The following CRLF2 variants were observed in gnomAD, a reference collection of about 807,000 sequenced individuals.
CRLF2 encodes the protein cytokine receptor-like factor 2.
CRLF2 carries 41 observed loss-of-function variants against 38.7 expected under a neutral mutation model. That is an observed-to-expected ratio of 1.06 (90% CI 0.83 to 1.37). The LOEUF is 1.37. Ranked by LOEUF, CRLF2 falls within the 40% of genes most tolerant of loss-of-function variation. CRLF2 has a pLI of 0.00. For synonymous variants in CRLF2, 140 were observed against 128.8 expected (o/e 1.09, Z -0.59); for missense variants, 377 against 322.2 (o/e 1.17, Z -1.30).
intron 4 of CRLF2, among the ~76,000 whole-genome samples, chrX:1,201,876 C>T (rs1248204251): frequency 6.6e-6 from 1 of 151,446 alleles, no homozygotes; most frequent in Non-Finnish European, 1.5e-5. Context: ...ATTGACCATA[C>T]ATAGATAGAT....
At chrX:1,208,934 T>C in intron 1 of CRLF2, 26 bp from the exon 2 acceptor site, 1 of 1,241,142 alleles carries the variant, frequency 8.1e-7, no homozygotes, top group Non-Finnish European at 1.2e-6. Context: ...CGCATGAAGT[T>C]CACGGTGAGG....
chrX:1,211,403 A>ATGGATG (rs2086798496), intron 1 of CRLF2, among the ~76,000 whole-genome samples: 2 of 45,324 alleles, frequency 4.4e-5, no homozygotes, highest in Non-Finnish European at 4.7e-5. Flanking sequence ...ATGGATGGAT[A>ATGGATG]AGTGGATAAA....
At chrX:1,196,972 A>G in intron 5 of CRLF2, 72 bp from the exon 6 acceptor site, 1 of 1,403,224 alleles carries the variant, frequency 7.1e-7, no homozygotes. Flanking sequence ...ACGTGATGTT[A>G]CATCTCATCC....
At position 1,191,096 on chromosome X, in the gene CRLF2, C is replaced by G. The variant is rs1224655980; in HGVS notation, c.917G>C (p.Ser306Thr). The change falls in exon 8 of 8, where the codon AGT becomes ACT. Residue 306 changes from serine (S) to threonine (T), a missense_variant. Transcript: ENST00000400841. ...GACTACCAGGGGCTCCTCGGGGCCA[C>G]TTTCTTGCTCTGCACCTGCCATCTT... ...LHKMAGAEQE[S>T]GPEEPLVVQL... 2.5e-5 allele frequency: 10 copies of G among 398,598 alleles called. No individual in the cohort carries two copies. Among genetic ancestry groups the G allele is most frequent in the Middle Eastern group, 1.3e-3 (2 of 1,592 alleles). The allele number at this position is 398,598 out of a possible 1,614,324, so 24.7% of individuals were successfully genotyped here.
rs1285405744 is a variant in CRLF2 at position 1,191,010 on chromosome X, C to T, written c.1003G>A (p.Glu335Lys). 6 of 398,588 alleles carry T rather than the reference C, an allele frequency of 1.5e-5. No individual in the cohort carries two copies. Among genetic ancestry groups the T allele is most frequent in the African/African-American group, 1.2e-4 (6 of 48,640 alleles). The allele number at this position is 398,588 out of a possible 1,614,324, so 24.7% of individuals were successfully genotyped here. The change falls in exon 8 of 8, where the codon GAG becomes AAG. Residue 335 changes from glutamate (E) to lysine (K), a missense_variant. Glu to Lys is a moderately conservative substitution (Grantham distance 56, BLOSUM62 1). Coordinates refer to ENST00000400841, the MANE Select transcript of CRLF2 (RefSeq NM_022148.4). Reference protein sequence around the residue: ...RMLDPQTEEKEASGGSLQLPH... With the variant: ...RMLDPQTEEKKASGGSLQLPH... ...AGCTGGAGGGATCCCCCAGAGGCCT[C>T]TTTCTCCTCGGTCTGTGGGTCCAGC...
rs1569472853 is a variant in CRLF2, at chrX:1,208,832, G to A, written c.156C>T (p.Ser52=). ...TGTAGTGGAAAGTCAGGTTGGTCCT[G>A]GAGTATTTGCTGGCATTCCATGTCA... The part of the protein sequence containing the change: ...VQVTWNASKY[S]RTNLTFHYRF... Residue 52 remains serine (S), a synonymous_variant, in exon 2 of 8, where the codon TCC becomes TCT. Coordinates refer to ENST00000400841, the MANE Select transcript of CRLF2 (RefSeq NM_022148.4). 2 of 1,611,146 alleles carry A rather than the reference G, an allele frequency of 1.2e-6. No homozygotes were observed. Among genetic ancestry groups the A allele is most frequent in the African/African-American group, 2.7e-5 (2 of 74,876 alleles).
intron 1 of CRLF2, among the ~76,000 whole-genome samples, chrX:1,211,304 T>G (rs1180890519): frequency 1.0e-5 from 1 of 98,354 alleles, no homozygotes; most frequent in African/African-American, 3.8e-5. Flanking sequence ...TGGATAAAAG[T>G]GTGGGTGAAT....
At chrX:1,208,199 A>G (rs1162553598) in intron 2 of CRLF2, among the ~76,000 whole-genome samples, 4 of 152,108 alleles carry the variant, frequency 2.6e-5, no homozygotes, top group African/African-American at 9.7e-5. Context: ...CCTAGCAGAT[A>G]AGACTTAAAG....
intron 7 of CRLF2, among the ~76,000 whole-genome samples, chrX:1,192,967 G>C (rs1417736182): frequency 4.6e-5 from 7 of 151,218 alleles, no homozygotes; most frequent in Non-Finnish European, 7.4e-5. Context: ...GAGTGAGCCA[G>C]CACGCCCGGC....
intron 3 of CRLF2, among the ~76,000 whole-genome samples, chrX:1,205,558 G>C (rs2086676882): frequency 6.6e-6 from 1 of 152,032 alleles, no homozygotes; most frequent in Admixed American, 6.6e-5. Context: ...ATAAGCTGAA[G>C]GAAATACTGA....
At chrX:1,192,122 G>GTT (rs1736031496) in intron 7 of CRLF2, among the ~76,000 whole-genome samples, 1 of 138,782 alleles carries the variant, frequency 7.2e-6, no homozygotes, top group Non-Finnish European at 1.6e-5. Context: ...GGAGAATGGC[G>GTT]TGAACCCGGG....
intron 4 of CRLF2, among the ~76,000 whole-genome samples, chrX:1,199,774 G>T (rs9698042): frequency 4.0e-5 from 6 of 151,518 alleles, no homozygotes; most frequent in Non-Finnish European, 8.8e-5. Flanking sequence ...TATATATAAG[G>T]TGTGTATATA....
At chrX:1,193,102 T>C in intron 7 of CRLF2, 116 bp downstream of exon 7, 1 of 390,656 alleles carries the variant, frequency 2.6e-6, no homozygotes, top group Non-Finnish European at 4.5e-6. Context: ...CGTGAGCCAC[T>C]GCGCCCGGCT....
intron 1 of CRLF2, among the ~76,000 whole-genome samples, chrX:1,210,244 C>A (rs1474397186): frequency 6.6e-6 from 1 of 152,128 alleles, no homozygotes; most frequent in East Asian, 1.9e-4. Flanking sequence ...TTTGTAATTC[C>A]GAACAGGGAC....
rs751744628 is a variant in CRLF2 at position 1,198,602 on chromosome X, G to T, written c.606C>A (p.Asp202Glu). The T allele has an allele frequency of 9.3e-6, 15 of 1,613,724 alleles. No individual in the cohort carries two copies. In the Middle Eastern group the frequency reaches 5.0e-4, roughly 53 times the overall value. ...DVYGPDTYPS[D>E]WSEVTCWQRG... ...TCTGCCAGCATGTCACCTCTGACCA[G>T]TCGCTTGGGTATGTGTCTGGCCCAT... Residue 202 changes from aspartate (D) to glutamate (E), a missense_variant, in exon 5 of 8, where the codon GAC becomes GAA. Coordinates refer to ENST00000400841, the MANE Select transcript of CRLF2 (RefSeq NM_022148.4).
rs1301470265 is a variant in CRLF2, at chrX:1,200,870, TAC to T, written c.483+1530_483+1531del. Among the ~76,000 whole-genome samples, 10 of 51,974 alleles carry T rather than the reference TAC, an allele frequency of 1.9e-4. No individual in the cohort carries two copies. In the East Asian group the frequency reaches 8.6e-3, roughly 45 times the overall value. 34.1% of individuals were successfully genotyped at this position (51,974 alleles called of 152,430 possible). ...ATATGTGTGTGTATATGTGTGTGTG[TAC>T]ACACACATATAGGTAGATATACAGT... On this transcript the variant is annotated intron_variant, in intron 4 of 7. Transcript: ENST00000400841.
At chrX:1,203,996 A>C (rs1387988577) in intron 3 of CRLF2, among the ~76,000 whole-genome samples, 10 of 151,656 alleles carry the variant, frequency 6.6e-5, no homozygotes, top group African/African-American at 2.4e-4. Context: ...GTTTCCCTAC[A>C]TTTGTCCCTC....
At chrX:1,200,329 A>G (rs866981381) in intron 4 of CRLF2, among the ~76,000 whole-genome samples, 1 of 146,198 alleles carries the variant, frequency 6.8e-6, no homozygotes, top group African/African-American at 2.5e-5. Flanking sequence ...GTGTATATAT[A>G]TGTGTGTATA....
At chrX:1,204,565 G>A (rs2147845684) in intron 3 of CRLF2, among the ~76,000 whole-genome samples, 1 of 151,048 alleles carries the variant, frequency 6.6e-6, no homozygotes, top group South Asian at 2.1e-4. Context: ...AAATCGCCCA[G>A]GCTGCAGTGC....
Sources: allele counts gnomAD v4.1 joint callset (sites outside exome capture counted in the v4.1 genomes callset), GRCh38; gene constraint gnomAD v4.1.1; transcripts MANE v1.5; gene names NCBI Gene and HGNC (gene_info 2026-07-23, HGNC 2026-07-21).